Variants in GPR107 observed in about 807,000 individuals in gnomAD.
The protein encoded by GPR107 is protein GPR107.
GPR107 carries 31 observed loss-of-function variants against 75.5 expected under a neutral mutation model. The ratio of observed to expected loss-of-function variants is 0.41; its 90% CI spans 0.31 to 0.55. The LOEUF is 0.55. Among genes scored for constraint, GPR107 ranks in the 20% least tolerant of loss-of-function variants. GPR107 has a pLI of 0.26. For missense variants in GPR107, 572 were observed against 665.7 expected (o/e 0.86, Z 1.55); for synonymous variants, 267 against 251.3 (o/e 1.06, Z -0.59).
chr9:130,128,034 T>C (rs1831727030), intron 16 of GPR107, among the ~76,000 whole-genome samples: 1 of 152,246 alleles, frequency 6.6e-6, no homozygotes, highest in South Asian at 2.1e-4. Flanking sequence ...ATAATTGAGA[T>C]GATCTGTTTG....
intron 1 of GPR107, among the ~76,000 whole-genome samples, chr9:130,071,931 C>A (rs139235396): frequency 6.9e-6 from 1 of 145,370 alleles, no homozygotes; most frequent in African/African-American, 2.6e-5. Flanking sequence ...GTGATCCGTC[C>A]GCCGCGGCCT....
In GPR107 at chr9:130,103,867, TTC is replaced by T. The variant is rs952950778; in HGVS notation, c.1132-544_1132-543del. Among the ~76,000 whole-genome samples the T allele has an allele frequency of 2.0e-5, 3 of 152,268 alleles. No individual in the cohort carries two copies. Among genetic ancestry groups the T allele is most frequent in the African/African-American group, 4.8e-5 (2 of 41,562 alleles). On this transcript the variant is annotated intron_variant, in intron 12 of 17. Coordinates refer to ENST00000347136, the MANE Select transcript of GPR107 (RefSeq NM_020960.5). This position sits in a 1 kb window ranked among gnomAD's most constrained non-coding sequence, Gnocchi z 4.3. ...GACTTAAAACGACAATAACCCGTCA[TTC>T]TCTCTCTCAGTTTCTGTGGGTTAGG...
chr9:130,075,293 A>T (rs1343587854), intron 1 of GPR107, among the ~76,000 whole-genome samples: 1 of 138,736 alleles, frequency 7.2e-6, no homozygotes, highest in African/African-American at 2.8e-5. Flanking sequence ...CACCCAAGCT[A>T]GAGTGCAGTG....
intron 14 of GPR107, among the ~76,000 whole-genome samples, chr9:130,108,441 G>C (rs967442868): frequency 1.3e-5 from 2 of 152,158 alleles, no homozygotes; most frequent in African/African-American, 2.4e-5. Context: ...AACTAATAAC[G>C]CATTATTTCT....
chr9:130,098,446 T>A (rs1425501359), intron 9 of GPR107, among the ~76,000 whole-genome samples: 1 of 152,208 alleles, frequency 6.6e-6, no homozygotes, highest in African/African-American at 2.4e-5. Context: ...AGACTTCCCC[T>A]ACAGCTATTT....
Position 130,137,578 on chromosome 9 carries a change from A to G in GPR107, c.*2457A>G, listed in dbSNP as rs1230781428. ...TCAAAACCCCAGCCCAAGATTGGGA[A>G]AGCAGGTGGTGGTTCCAAGCTTTTA... On this transcript the variant is annotated 3_prime_UTR_variant, in exon 18 of 18. Coordinates refer to ENST00000347136, the MANE Select transcript of GPR107 (RefSeq NM_020960.5). The G allele has an allele frequency of 1.3e-5, 2 of 152,270 alleles. No homozygotes were observed. The highest frequency in any genetic ancestry group is 2.9e-5 in the Non-Finnish European group (2 of 68,054). 9.4% of individuals were successfully genotyped at this position (152,270 alleles called of 1,614,324 possible). A position where few individuals can be genotyped will look rare whatever the true frequency, so the allele number is the denominator to read the frequency against.
intron 17 of GPR107, among the ~76,000 whole-genome samples, chr9:130,132,207 C>G (rs868927971): frequency 6.6e-6 from 1 of 152,190 alleles, no homozygotes; most frequent in Non-Finnish European, 1.5e-5. Flanking sequence ...CCCTTCCTGT[C>G]CATTCTCCCG....
intron 15 of GPR107, among the ~76,000 whole-genome samples, chr9:130,125,789 C>G (rs1416376060): frequency 6.6e-6 from 1 of 151,928 alleles, no homozygotes; most frequent in East Asian, 1.9e-4. Flanking sequence ...GTGGCTCATG[C>G]CTATAATCCC....
chr9:130,075,471 C>G (rs1830320202), intron 1 of GPR107, among the ~76,000 whole-genome samples, 165 bp from the exon 2 acceptor site: 2 of 152,096 alleles, frequency 1.3e-5, no homozygotes, highest in Non-Finnish European at 2.9e-5. Context: ...GTCTCAAACT[C>G]CTGACCTCAG....
At chr9:130,125,124 C>T (rs1257264292) in intron 15 of GPR107, among the ~76,000 whole-genome samples, 160 bp downstream of exon 15, 1 of 110,362 alleles carries the variant, frequency 9.1e-6, no homozygotes, top group African/African-American at 3.6e-5. Context: ...CTGGAGACGA[C>T]GTCTAGCTCT....
intron 5 of GPR107, among the ~76,000 whole-genome samples, chr9:130,081,458 G>C (rs753462519): frequency 1.3e-5 from 2 of 152,052 alleles, no homozygotes; most frequent in Admixed American, 1.3e-4. Context: ...CAGATCACAA[G>C]GTCAAGAGAT....
At position 130,103,023 on chromosome 9, in the gene GPR107, T is replaced by C. The variant is rs4837459; in HGVS notation, c.1132-1397T>C. 0.079 allele frequency among the ~76,000 whole-genome samples: 11,956 copies of C among 152,048 alleles called. 605 individuals are homozygous for C. The highest frequency in any genetic ancestry group is 0.14 in the East Asian group (703 of 5,150). ...CCAGGCTGGTGTCAAACTCCTGGGC[T>C]CAAGCAATCCTTCTGCCTTGGCTCC... is the stretch of plus-strand genomic sequence containing the variant. On this transcript the variant is annotated intron_variant, in intron 12 of 17. Coordinates refer to ENST00000347136, the MANE Select transcript of GPR107 (RefSeq NM_020960.5). The surrounding 1 kb of genome is among the most constrained non-coding windows in gnomAD (Gnocchi z 4.3).
chr9:130,085,823 C>T (rs1396577310), intron 6 of GPR107, among the ~76,000 whole-genome samples: 4 of 141,004 alleles, frequency 2.8e-5, no homozygotes, highest in Admixed American at 7.7e-5. Flanking sequence ...TGCAGTGGCA[C>T]GATCTCAACC....
intron 11 of GPR107, among the ~76,000 whole-genome samples, 165 bp downstream of exon 11, chr9:130,100,867 G>C (rs1831011629): frequency 6.6e-6 from 1 of 152,192 alleles, no homozygotes; most frequent in African/African-American, 2.4e-5. Flanking sequence ...TCCAGACTTG[G>C]GAAGTCGGGC....
intron 1 of GPR107, among the ~76,000 whole-genome samples, chr9:130,065,845 G>A (rs569983568): frequency 1.3e-5 from 2 of 151,136 alleles, no homozygotes; most frequent in East Asian, 3.9e-4. Context: ...CTGTAGAATC[G>A]GTGCCAGTCG....
rs577658835 is a variant in GPR107, at chr9:130,081,030, G to A, written c.526+1261G>A. 6.0e-5 allele frequency among the ~76,000 whole-genome samples: 9 copies of A among 150,876 alleles called. No individual in the cohort carries two copies. The South Asian group carries it at 1.7e-3, about 28-fold the overall frequency. On this transcript the variant is annotated intron_variant, in intron 5 of 17. Coordinates refer to ENST00000347136, the MANE Select transcript of GPR107 (RefSeq NM_020960.5). Reference sequence around the variant, plus strand: ...CTTGTACCAGCCTGAGCAACATAGCGAGGCCCTGTCTCTGCAAAAATAAAA... The same window carrying A: ...CTTGTACCAGCCTGAGCAACATAGCAAGGCCCTGTCTCTGCAAAAATAAAA...
chr9:130,070,012 A>AATTTTTTTTT (rs1830166438), intron 1 of GPR107, among the ~76,000 whole-genome samples: 1 of 39,252 alleles, frequency 2.5e-5, no homozygotes, highest in Non-Finnish European at 4.7e-5. Context: ...TTTTTTTTTT[A>AATTTTTTTTT]AATTTTTTTG....
At chr9:130,093,907 T>A (rs1830801645) in intron 9 of GPR107, among the ~76,000 whole-genome samples, 1 of 152,112 alleles carries the variant, frequency 6.6e-6, no homozygotes, top group African/African-American at 2.4e-5. Flanking sequence ...CCTCCACCTC[T>A]GGGTTCAAGC....
At chr9:130,102,258 G>A (rs182269262) in intron 12 of GPR107, among the ~76,000 whole-genome samples, 2 of 152,298 alleles carry the variant, frequency 1.3e-5, no homozygotes, top group East Asian at 1.9e-4. Context: ...TCGAGCCACC[G>A]TGGTCACTTC....
Sources: allele counts gnomAD v4.1 joint callset (sites outside exome capture counted in the v4.1 genomes callset), GRCh38; gene constraint gnomAD v4.1.1; non-coding constraint Gnocchi (gnomAD v3.1); transcripts MANE v1.5; gene names NCBI Gene and HGNC (gene_info 2026-07-23, HGNC 2026-07-21).